Variants in GTF2IRD1 observed in about 807,000 individuals in gnomAD.
GTF2IRD1 encodes GTF2I repeat domain containing 1, also known as general transcription factor II-I repeat domain-containing protein 1.
A neutral mutation model predicts 113.2 loss-of-function variants in GTF2IRD1; 26 were observed. The ratio of observed to expected loss-of-function variants is 0.23; its 90% CI spans 0.17 to 0.32. The LOEUF is 0.32. GTF2IRD1 is among the 10% of genes least tolerant of loss of function. The pLI, the probability that GTF2IRD1 is intolerant of heterozygous loss-of-function variation, is 1.00. For synonymous variants in GTF2IRD1, 484 were observed against 529.1 expected, an observed-to-expected ratio of 0.91 and a Z score of 1.17; for missense variants, 864 against 1,280.8, an observed-to-expected ratio of 0.67 and a Z score of 4.97.
intron 22 of GTF2IRD1, among the ~76,000 whole-genome samples, chr7:74,586,289 C>T (rs1423596807): frequency 6.6e-6 from 1 of 152,118 alleles, no homozygotes; most frequent in African/African-American, 2.4e-5. Flanking sequence ...CAAGGGTGGC[C>T]TTGATTCTTC....
At chr7:74,573,542 C>G (rs1343584799) in intron 22 of GTF2IRD1, among the ~76,000 whole-genome samples, 1 of 152,128 alleles carries the variant, frequency 6.6e-6, no homozygotes, top group Non-Finnish European at 1.5e-5. Context: ...GAAGACCACC[C>G]AAGCTGACAA....
At position 74,548,476 on chromosome 7, in the gene GTF2IRD1, G is replaced by A. The variant is rs587661206; in HGVS notation, c.1916+1190G>A. 6.6e-5 allele frequency among the ~76,000 whole-genome samples: 10 copies of A among 151,984 alleles called. No individual in the cohort carries two copies. The East Asian group carries it at 1.9e-3, about 30-fold the overall frequency. The stretch of plus-strand genomic sequence containing the variant: ...GTGGTGGCAGTTATTGAGTAAAAAT[G>A]TGGTTGGGGGATTTCAGGAACAGTG... On this transcript the variant is annotated intron_variant, in intron 17 of 26. Coordinates refer to ENST00000424337, the MANE Select transcript of GTF2IRD1 (RefSeq NM_005685.4).
At chr7:74,596,997 G>A (rs1554372497) in intron 25 of GTF2IRD1, among the ~76,000 whole-genome samples, 1 of 152,044 alleles carries the variant, frequency 6.6e-6, no homozygotes, top group African/African-American at 2.4e-5. Context: ...AGGCTGCAGT[G>A]AGCTATGATT....
rs781847255 is a variant in GTF2IRD1, at chr7:74,595,034, A to G, written c.2612A>G (p.Asn871Ser). The G allele has an allele frequency of 5.6e-6, 9 of 1,606,358 alleles. No individual in the cohort carries two copies. The highest frequency in any genetic ancestry group is 1.7e-4 in the Middle Eastern group (1 of 6,012). The change falls in exon 25 of 27, where the codon AAT (asparagine) becomes AGT (serine). Residue 871 changes from asparagine to serine, a missense_variant. Asn to Ser is a conservative substitution (Grantham distance 46). This residue lies in a region of GTF2IRD1 where 195 missense variants were observed against 359.1 expected (regional missense o/e 0.54). Transcript: ENST00000424337. ...NQLQPFAEIC[N>S]DAKVPAKDSS... Reference sequence around the variant, plus strand: ...TTCAGACCCTTTGCAGAAATCTGCAATGATGCCAAGGTGCCAGGTGAGTCA... The same window carrying G: ...TTCAGACCCTTTGCAGAAATCTGCAGTGATGCCAAGGTGCCAGGTGAGTCA...
At chr7:74,584,303 G>A (rs138397070) in intron 22 of GTF2IRD1, among the ~76,000 whole-genome samples, 4,098 of 152,150 alleles carry the variant, frequency 0.027, 195 homozygotes, top group African/African-American at 0.093. Context: ...AAATTAGCCA[G>A]GTGTGGTGGC....
At chr7:74,574,255 A>G (rs587608149) in intron 22 of GTF2IRD1, among the ~76,000 whole-genome samples, 32 of 136,812 alleles carry the variant, frequency 2.3e-4, no homozygotes, top group African/African-American at 8.9e-4. Flanking sequence ...ACCTGCCTCG[A>G]CCTCCCAAAG....
rs1279435349 is a variant in GTF2IRD1 at position 74,454,074 on chromosome 7, C to G, written c.-109C>G. ...TCGCCTCCCTCTGCCTCTCCTTCCC[C>G]CATTCTCCCGGATTAATTAAGGAGG... On this transcript the variant is annotated 5_prime_UTR_variant, in exon 1 of 27. Coordinates refer to ENST00000424337, the MANE Select transcript of GTF2IRD1 (RefSeq NM_005685.4). The G allele has an allele frequency of 2.0e-5, 3 of 151,166 alleles. No homozygotes were observed. The highest frequency in any genetic ancestry group is 4.4e-5 in the Non-Finnish European group (3 of 67,668). 9.4% of individuals were successfully genotyped at this position (151,166 alleles called of 1,614,324 possible). A position where few individuals can be genotyped will look rare whatever the true frequency, so the allele number is the denominator to read the frequency against.
intron 22 of GTF2IRD1, among the ~76,000 whole-genome samples, chr7:74,572,112 A>AC: frequency 6.6e-6 from 1 of 152,148 alleles, no homozygotes; most frequent in South Asian, 2.1e-4. Context: ...GTCTCCTGTC[A>AC]CCCAGTGGGT....
chr7:74,460,902 A>G (rs73135316), intron 1 of GTF2IRD1, among the ~76,000 whole-genome samples: 4,672 of 151,816 alleles, frequency 0.031, 140 homozygotes, highest in African/African-American at 0.077. Flanking sequence ...GCTGCTGGGA[A>G]TTCCTGCACC....
intron 7 of GTF2IRD1, among the ~76,000 whole-genome samples, chr7:74,523,187 C>T (rs1478522320): frequency 6.6e-6 from 1 of 152,144 alleles, no homozygotes; most frequent in African/African-American, 2.4e-5. Context: ...CCACAGCACT[C>T]CAGCCTGGGC....
At chr7:74,529,603 G>C (rs944776864) in intron 8 of GTF2IRD1, 131 bp from the exon 9 acceptor site, 2 of 669,868 alleles carry the variant, frequency 3.0e-6, no homozygotes, top group Non-Finnish European at 2.6e-6. Flanking sequence ...CATTTCTGCA[G>C]GATCCCTCTG....
At position 74,563,388 on chromosome 7, in the gene GTF2IRD1, G is replaced by A. The variant is rs752034476; in HGVS notation, c.2320+3733G>A. On this transcript the variant is annotated intron_variant, in intron 22 of 26. Transcript: ENST00000424337. ...AGGTCAGGAGTTCGAGACCAGCCTG[G>A]CCAACATGGTGAAACCCCGTCTCTA... Among the ~76,000 whole-genome samples, 239 of 151,962 alleles carry A rather than the reference G, an allele frequency of 1.6e-3. 4 individuals are homozygous for A. The highest frequency in any genetic ancestry group is 9.6e-4 in the Non-Finnish European group (65 of 67,944).
intron 1 of GTF2IRD1, among the ~76,000 whole-genome samples, chr7:74,480,834 C>T (rs578197457): frequency 1.3e-5 from 2 of 152,264 alleles, no homozygotes; most frequent in East Asian, 1.9e-4. Flanking sequence ...GCTCCTAGTA[C>T]CTGATGCACA....
chr7:74,556,168 C>T (rs1172652767), intron 19 of GTF2IRD1, among the ~76,000 whole-genome samples: 2 of 151,568 alleles, frequency 1.3e-5, no homozygotes, highest in East Asian at 4.0e-4. Context: ...GGGAGAATCG[C>T]TTGAACCTGG....
At chr7:74,499,274 A>G (rs542591585) in intron 1 of GTF2IRD1, among the ~76,000 whole-genome samples, 1 of 152,360 alleles carries the variant, frequency 6.6e-6, no homozygotes, top group African/African-American at 2.4e-5. Flanking sequence ...GCCTTGGACT[A>G]GGTCCCAGCC....
In GTF2IRD1 at chr7:74,558,347, C is replaced by CTTTTTTTTTTTT. The variant is rs1193682168; in HGVS notation, c.2108-495_2108-484dup. 6.5e-4 allele frequency among the ~76,000 whole-genome samples: 39 copies of CTTTTTTTTTTTT among 60,460 alleles called. 2 individuals are homozygous for CTTTTTTTTTTTT. The highest frequency in any genetic ancestry group is 3.1e-3 in the East Asian group (5 of 1,634). 39.7% of individuals were successfully genotyped at this position (60,460 alleles called of 152,430 possible). ...ATTGGTGTGGCTTTTTCTTTCGTTT[C>CTTTTTTTTTTTT]TTTTTTTTTTTTTTTTTTTTTTTTT... On this transcript the variant is annotated intron_variant, in intron 20 of 26. Transcript: ENST00000424337.
intron 25 of GTF2IRD1, among the ~76,000 whole-genome samples, chr7:74,597,322 G>T (rs1420752737): frequency 6.7e-5 from 10 of 149,762 alleles, no homozygotes; most frequent in African/African-American, 2.5e-4. Flanking sequence ...GATTACAGGC[G>T]TAAGCCACTG....
At chr7:74,559,157 C>A in intron 21 of GTF2IRD1, 113 bp downstream of exon 21, 1 of 981,088 alleles carries the variant, frequency 1.0e-6, no homozygotes, top group Admixed American at 2.5e-5. Flanking sequence ...GACAAGGTGG[C>A]TCTCCTGGCA....
chr7:74,574,613 C>T (rs782345972), intron 22 of GTF2IRD1, among the ~76,000 whole-genome samples: 1 of 151,648 alleles, frequency 6.6e-6, no homozygotes, highest in Admixed American at 6.6e-5. Context: ...GCGTGCACCA[C>T]CGTGCCAGGC....
Sources: allele counts gnomAD v4.1 joint callset (sites outside exome capture counted in the v4.1 genomes callset), GRCh38; gene constraint gnomAD v4.1.1; regional missense constraint gnomAD v4.1.1; transcripts MANE v1.5; gene names NCBI Gene and HGNC (gene_info 2026-07-23, HGNC 2026-07-21).